Variants in ETV4 observed in about 807,000 individuals in gnomAD.
The protein encoded by ETV4 is ETS translocation variant 4.
In ETV4, 42 loss-of-function variants were observed where a neutral mutation model predicts 65.9. The ratio of observed to expected loss-of-function variants is 0.64; its 90% CI spans 0.50 to 0.82. The LOEUF is 0.82. Ranked by LOEUF, ETV4 falls within the 40% of genes least tolerant of loss-of-function variation. ETV4 has a pLI of 0.00. For missense variants in ETV4, 583 were observed against 630.3 expected (o/e 0.92, Z 0.80); for synonymous variants, 238 against 260.0 (o/e 0.92, Z 0.81).
At position 43,533,247 on chromosome 17, in the gene ETV4, A is replaced by C; in HGVS notation, c.485T>G (p.Phe162Cys). The change falls in exon 7 of 13, where the codon TTC becomes TGC. Residue 162 changes from phenylalanine (F) to cysteine (C), a missense_variant. Physicochemically the swap from Phe to Cys is radical, Grantham distance 205. Transcript: ENST00000319349. ...CTGGGAGGTGCCAGAGGATCTCAGG[A>C]AATTCCGTTGCTCTGCCCGGGGAAA... ...QPFPRAEQRN[F>C]LRSSGTSQPH... 1.9e-6 allele frequency: 3 copies of C among 1,613,940 alleles called. No individual in the cohort carries two copies. The highest frequency in any genetic ancestry group is 2.5e-6 in the Non-Finnish European group (3 of 1,179,958).
rs769055932 is a variant in ETV4, at chr17:43,545,305, G to A, written c.123C>T (p.Asp41=). The change falls in exon 3 of 13, where the codon GAC becomes GAT. Residue 41 remains aspartate, a synonymous_variant. Transcript: ENST00000319349. ...ALIGPLGKLM[D]PGSLPPLDSE... ...AGTCGAGGGGCGGCAGGGAGCCCGG[G>A]TCCATGAGCTTCCCCAGCGGGCCGA... is the stretch of plus-strand genomic sequence containing the variant. The A allele has an allele frequency of 7.5e-6, 12 of 1,609,968 alleles. No homozygotes were observed. The highest frequency in any genetic ancestry group is 7.6e-6 in the Non-Finnish European group (9 of 1,178,092).
intron 12 of ETV4, 32 bp downstream of exon 12, chr17:43,529,103 C>T (rs769840030): frequency 2.0e-5 from 32 of 1,605,508 alleles, no homozygotes; most frequent in Non-Finnish European, 2.7e-5. Context: ...CACTGCCCCC[C>T]ACCACCTTGT....
Position 43,533,346 on chromosome 17 carries a change from G to A in ETV4, c.386C>T (p.Ala129Val), listed in dbSNP as rs776144344. Residue 129 changes from alanine (A) to valine (V), a missense_variant and splice_region_variant, in exon 7 of 13, where the codon GCC (alanine) becomes GTC (valine). Coordinates refer to ENST00000319349, the MANE Select transcript of ETV4 (RefSeq NM_001079675.5). ...HHGEQCLYSSAYDPPRQIAIK... is the reference protein window; with the variant it reads ...HHGEQCLYSSVYDPPRQIAIK... ...GGCGATTTGTCTGGGGGGGTCATAG[G>A]CACTGGAGTTGAGAAGGAGACAGGG... The A allele has an allele frequency of 1.2e-6, 2 of 1,612,418 alleles. No homozygotes were observed. Among genetic ancestry groups the A allele is most frequent in the African/African-American group, 2.7e-5 (2 of 74,878 alleles).
intron 1 of ETV4, chr17:43,545,980 T>TGTGTGC (rs60044617): frequency 4.4e-6 from 1 of 226,632 alleles, no homozygotes. Context: ...TGTGTGTGTG[T>TGTGTGC]ACGCGCGCGC....
chr17:43,546,098 C>G, intron 1 of ETV4, 87 bp downstream of exon 1: 1 of 182,212 alleles, frequency 5.5e-6, no homozygotes, highest in Non-Finnish European at 1.1e-5. Context: ...TCTGCGGAGG[C>G]GGGTGGTGAG....
At chr17:43,531,038 T>C (rs912023194) in intron 8 of ETV4, among the ~76,000 whole-genome samples, 25 of 152,056 alleles carry the variant, frequency 1.6e-4, no homozygotes, top group Admixed American at 1.4e-3. Context: ...CAAGAGTGCC[T>C]CCCTCCTCCT....
In ETV4 at chr17:43,540,274, G is replaced by A. The variant is rs574623560; in HGVS notation, c.203-3795C>T. Among the ~76,000 whole-genome samples the A allele has an allele frequency of 2.6e-5, 4 of 152,222 alleles. No individual in the cohort carries two copies. The South Asian group carries it at 8.3e-4, about 32-fold the overall frequency. ...TCTACACCAGCCTGGCCAATGTGGC[G>A]AAACCCCATCTCTACTAAAAATACA... On this transcript the variant is annotated intron_variant, in intron 4 of 12. Transcript: ENST00000319349.
chr17:43,528,155 C>T lies in ETV4; in HGVS notation c.*364G>A, dbSNP rs1376729055. 3 of 248,282 alleles carry T rather than the reference C, an allele frequency of 1.2e-5. No individual in the cohort carries two copies. 15.4% of individuals were successfully genotyped at this position (248,282 alleles called of 1,614,324 possible). On this transcript the variant is annotated 3_prime_UTR_variant, in exon 13 of 13. Transcript: ENST00000319349. ...GGAGCTCAGTGAACCTCCTCACCCT[C>T]CTGCCAGTATGAAGTTGGGAAGCGC...
chr17:43,541,036 C>G (rs1189415132), intron 4 of ETV4, among the ~76,000 whole-genome samples: 2 of 152,146 alleles, frequency 1.3e-5, no homozygotes, highest in African/African-American at 2.4e-5. Context: ...CTTCCTGCCT[C>G]GGGCCTGACA....
chr17:43,545,409 G>T (rs755504276), intron 2 of ETV4, 42 bp from the exon 3 acceptor site: 3 of 1,509,466 alleles, frequency 2.0e-6, no homozygotes, highest in Admixed American at 2.0e-5. Flanking sequence ...ACCCTGAGGC[G>T]CTTAGTCTGG....
intron 3 of ETV4, 77 bp from the exon 4 acceptor site, chr17:43,545,099 A>G (rs931751123): frequency 1.3e-6 from 2 of 1,482,518 alleles, no homozygotes; most frequent in African/African-American, 2.8e-5. Flanking sequence ...AGACCCGGTG[A>G]CTCCCCTGCC....
At chr17:43,545,489 G>A (rs56230804) in intron 2 of ETV4, 69 bp downstream of exon 2, 6 of 1,475,866 alleles carry the variant, frequency 4.1e-6, no homozygotes, top group Admixed American at 2.0e-5. Flanking sequence ...ACTGCGGGGA[G>A]GGGGGCTGTG....
chr17:43,533,147 C>T lies in ETV4; in HGVS notation c.545+40G>A, dbSNP rs761374706. The T allele has an allele frequency of 3.1e-6, 5 of 1,605,394 alleles. No individual in the cohort carries two copies. The South Asian group carries it at 5.5e-5, about 18-fold the overall frequency. ...GGAGAACACTCAGGAATTGAAAAAA[C>T]ACCTGGGCCCATGAGCAGTGGGTTT... On this transcript the variant is annotated intron_variant, in intron 7 of 12. Transcript: ENST00000319349.
Position 43,529,940 on chromosome 17 carries a change from T to TCATAGC in ETV4, c.893_898dup (p.Gly298_Tyr299dup). ...ATCTGGGAATGGTCGCAGAGGTTTC[T>TCATAGC]CATAGCCATAGCCTTGTGGAGGAAA... is the stretch of plus-strand genomic sequence containing the variant. On this transcript the variant is annotated inframe_insertion, in exon 10 of 13. Transcript: ENST00000319349. 6.2e-7 allele frequency: 1 copy of TCATAGC among 1,614,140 alleles called. No individual in the cohort carries two copies. The highest frequency in any genetic ancestry group is 8.5e-7 in the Non-Finnish European group (1 of 1,180,024).
intron 12 of ETV4, 143 bp from the exon 13 acceptor site, chr17:43,528,886 G>C: frequency 1.4e-6 from 1 of 713,088 alleles, no homozygotes; most frequent in Admixed American, 2.7e-5. Context: ...TTCCTGAGAA[G>C]CTGACTCTCC....
intron 4 of ETV4, chr17:43,544,428 T>G (rs1348270678): frequency 6.5e-6 from 1 of 153,354 alleles, no homozygotes; most frequent in Non-Finnish European, 1.5e-5. Context: ...GGGCTCTCTG[T>G]GCCAAAGGAC....
At chr17:43,545,114 G>T in intron 3 of ETV4, 92 bp from the exon 4 acceptor site, 1 of 1,417,962 alleles carries the variant, frequency 7.1e-7, no homozygotes, top group Non-Finnish European at 1.0e-6. Flanking sequence ...CCTGCCTTGG[G>T]AGTAGGGACC....
intron 2 of ETV4, 72 bp downstream of exon 2, chr17:43,545,486 G>C (rs1971765544): frequency 6.8e-7 from 1 of 1,475,286 alleles, no homozygotes; most frequent in African/African-American, 1.4e-5. Context: ...GGGACTGCGG[G>C]GAGGGGGGCT....
chr17:43,545,487 G>A (rs1971765674), intron 2 of ETV4, 71 bp downstream of exon 2: 3 of 1,468,368 alleles, frequency 2.0e-6, no homozygotes, highest in East Asian at 4.9e-5. Context: ...GGACTGCGGG[G>A]AGGGGGGCTG....
Sources: gnomAD v4.1 joint callset for allele counts (sites outside exome capture counted in the v4.1 genomes callset) on GRCh38, gnomAD v4.1.1 for gene constraint, MANE v1.5 for transcripts, NCBI Gene and HGNC (gene_info 2026-07-23, HGNC 2026-07-21) for gene names.